The following FOXK1 variants were observed in gnomAD, a reference collection of about 807,000 sequenced individuals.
FOXK1 encodes the protein forkhead box protein K1.
Under a neutral mutation model 51.9 loss-of-function variants are expected in FOXK1, and 19 were observed. The ratio of observed to expected loss-of-function variants is 0.37; its 90% confidence interval spans 0.26 to 0.54. The LOEUF (loss-of-function observed/expected upper bound fraction) is 0.54. Among genes scored for constraint, FOXK1 ranks in the 20% least tolerant of loss-of-function variants. The probability of loss-of-function intolerance (pLI) is 0.87; values close to 1 mark genes in which losing one functional copy is unlikely to be tolerated. For missense variants in FOXK1, 870 were observed against 1,032.7 expected, an observed-to-expected ratio of 0.84 and a Z score of 2.16; for synonymous variants, 537 against 482.6, an observed-to-expected ratio of 1.11 and a Z score of -1.48.
At chr7:4,712,006 C>T (rs1422955264) in intron 1 of FOXK1, among the ~76,000 whole-genome samples, 1 of 150,604 alleles carries the variant, frequency 6.6e-6, no homozygotes, top group African/African-American at 2.4e-5. Flanking sequence ...CCACCAAGTC[C>T]GAAGCTGGAA....
At chr7:4,718,963 C>G (rs1268629752) in intron 1 of FOXK1, among the ~76,000 whole-genome samples, 1 of 152,112 alleles carries the variant, frequency 6.6e-6, no homozygotes, top group African/African-American at 2.4e-5. Context: ...GGACCCGCCA[C>G]CACGCCCGGC....
At position 4,755,193 on chromosome 7, in the gene FOXK1, G is replaced by A. The variant is rs1264746505; in HGVS notation, c.904-44G>A. 6 of 1,604,944 alleles carry A rather than the reference G, an allele frequency of 3.7e-6. No individual in the cohort carries two copies. Among genetic ancestry groups the A allele is most frequent in the Non-Finnish European group, 5.1e-6 (6 of 1,174,122 alleles). ...GTGACGGGTGGGTGGGGTAGACTCA[G>A]GGACCTTGCTGGAGCTCATCCCGTG... On this transcript the variant is annotated intron_variant, in intron 3 of 8. Coordinates refer to ENST00000328914, the MANE Select transcript of FOXK1 (RefSeq NM_001037165.2). The surrounding 1 kb of genome is among the most constrained non-coding windows in gnomAD (Gnocchi z 6.6).
In FOXK1 at chr7:4,723,865, C is replaced by G. The variant is rs1780344717; in HGVS notation, c.561-16973C>G. On this transcript the variant is annotated intron_variant, in intron 1 of 8. Coordinates refer to ENST00000328914, the MANE Select transcript of FOXK1 (RefSeq NM_001037165.2). The surrounding 1 kb of genome is among the most constrained non-coding windows in gnomAD (Gnocchi z 4.7). ...TTGTATTTTTGGTAAAGATGGGGAT[C>G]TCACTATGTTGCCCAGGCCGGTCTC... is the stretch of plus-strand genomic sequence containing the variant. Among the ~76,000 whole-genome samples, 1 of 152,142 alleles carries G rather than the reference C, an allele frequency of 6.6e-6. No individual in the cohort carries two copies. Among genetic ancestry groups the G allele is most frequent in the Admixed American group, 6.6e-5 (1 of 15,264 alleles).
chr7:4,754,934 C>T (rs1195311325), intron 3 of FOXK1: 2 of 565,804 alleles, frequency 3.5e-6, no homozygotes. Flanking sequence ...ATGGCGTTCT[C>T]CTTATAACTT....
At chr7:4,718,922 G>C (rs867036451) in intron 1 of FOXK1, among the ~76,000 whole-genome samples, 15 of 152,096 alleles carry the variant, frequency 9.9e-5, no homozygotes, top group Middle Eastern at 3.2e-3. Flanking sequence ...CGATTCTCCT[G>C]CCCCAGCCTC....
At chr7:4,732,773 C>T (rs1780494802) in intron 1 of FOXK1, among the ~76,000 whole-genome samples, 1 of 152,222 alleles carries the variant, frequency 6.6e-6, no homozygotes, top group African/African-American at 2.4e-5. Flanking sequence ...ACATGGCTTT[C>T]CGTTAGAGAA....
Position 4,732,379 on chromosome 7 carries a change from G to A in FOXK1, c.561-8459G>A, listed in dbSNP as rs145463498. Among the ~76,000 whole-genome samples the A allele has an allele frequency of 1.5e-4, 23 of 152,240 alleles. No individual in the cohort carries two copies. In the East Asian group the frequency reaches 4.5e-3, roughly 29 times the overall value. ...ACCATCATAGCCCACTGCGGCCTCC[G>A]CTGCCCAGGCTCAAGCCATCTTCCC... On this transcript the variant is annotated intron_variant, in intron 1 of 8. Transcript: ENST00000328914.
intron 1 of FOXK1, among the ~76,000 whole-genome samples, chr7:4,700,691 C>T (rs1249628194): frequency 2.0e-5 from 3 of 151,990 alleles, no homozygotes; most frequent in Admixed American, 6.6e-5. Context: ...TATCATGCAC[C>T]TGTGGTACGA....
intron 1 of FOXK1, among the ~76,000 whole-genome samples, chr7:4,713,686 T>C: frequency 6.6e-6 from 1 of 151,874 alleles, no homozygotes; most frequent in East Asian, 1.9e-4. Context: ...GAGACAGGGT[T>C]TCACTGTGTT....
In FOXK1 at chr7:4,760,809, C is replaced by A. The variant is rs547533787; in HGVS notation, c.1697-255C>A. On this transcript the variant is annotated intron_variant, in intron 7 of 8. Transcript: ENST00000328914. The stretch of plus-strand genomic sequence containing the variant: ...GAGGTTGCAGTGAGCCGAGATGGCA[C>A]CCCTGCACTCCAGCCTGGGCGACAG... 9.2e-5 allele frequency among the ~76,000 whole-genome samples: 14 copies of A among 152,312 alleles called. No individual in the cohort carries two copies. In the East Asian group the frequency reaches 2.1e-3, roughly 23 times the overall value.
At chr7:4,744,326 G>A (rs984050090) in intron 2 of FOXK1, among the ~76,000 whole-genome samples, 2 of 152,062 alleles carry the variant, frequency 1.3e-5, no homozygotes, top group Non-Finnish European at 2.9e-5. Flanking sequence ...ATTACTGGTG[G>A]GGATTGCGCT....
chr7:4,726,219 C>G (rs1780379517), intron 1 of FOXK1, among the ~76,000 whole-genome samples: 2 of 152,104 alleles, frequency 1.3e-5, no homozygotes, highest in South Asian at 4.1e-4. Flanking sequence ...CTAGAACGTT[C>G]TTGTTTTTGG....
At position 4,682,793 on chromosome 7, in the gene FOXK1, G is replaced by A; in HGVS notation, c.485G>A (p.Cys162Tyr). Residue 162 changes from cysteine (C) to tyrosine (Y), a missense_variant, in exon 1 of 9, where the codon TGC (cysteine) becomes TAC (tyrosine). Cys to Tyr is a radical substitution (Grantham distance 194, BLOSUM62 -2). Transcript: ENST00000328914. The surrounding 1 kb of genome is among the most constrained non-coding windows in gnomAD (Gnocchi z 7.6). ...CAGGAGCCGCACTTCTACCTGCGCT[G>A]CCTCGGCAAGAACGGCGTCTTCGTG... ...SFQEPHFYLR[C>Y]LGKNGVFVDG... is the part of the protein sequence containing the mutation. 6.3e-7 allele frequency: 1 copy of A among 1,590,836 alleles called. No individual in the cohort carries two copies. Among genetic ancestry groups the A allele is most frequent in the Non-Finnish European group, 8.5e-7 (1 of 1,175,132 alleles).
At chr7:4,713,649 GC>G (rs1319516463) in intron 1 of FOXK1, among the ~76,000 whole-genome samples, 1 of 151,388 alleles carries the variant, frequency 6.6e-6, no homozygotes, top group Non-Finnish European at 1.5e-5. Flanking sequence ...GTGCCACCAC[GC>G]CCAGCTAATT....
At chr7:4,688,578 T>C (rs948216039) in intron 1 of FOXK1, among the ~76,000 whole-genome samples, 12 of 151,952 alleles carry the variant, frequency 7.9e-5, no homozygotes, top group African/African-American at 1.9e-4. Context: ...AGTAGAGATA[T>C]GGTTTCACCA....
chr7:4,754,467 A>C lies in FOXK1; in HGVS notation c.755A>C (p.Asn252Thr), dbSNP rs1583210645. ...TCCTTCTCTCTCCTCAGTGTCCCCA[A>C]CTCCTGCCCAGCCAGTCCACGCGGT... ...PSPTGTISVPNSCPASPRGAG... is the reference protein window; with the variant it reads ...PSPTGTISVPTSCPASPRGAG... The change falls in exon 3 of 9, where the codon AAC becomes ACC. Residue 252 changes from asparagine (N) to threonine (T), a missense_variant. By Grantham distance (65) the Asn-to-Thr change is moderately conservative. Around this residue, in one of 3 missense-constraint regions of FOXK1, gnomAD observed 399 missense variants for 475.6 expected, o/e 0.84. Transcript: ENST00000328914. 1.2e-6 allele frequency: 2 copies of C among 1,612,276 alleles called. No individual in the cohort carries two copies. Among genetic ancestry groups the C allele is most frequent in the Non-Finnish European group, 1.7e-6 (2 of 1,179,820 alleles).
intron 1 of FOXK1, among the ~76,000 whole-genome samples, chr7:4,688,408 T>A (rs1221423515): frequency 2.0e-5 from 3 of 150,674 alleles, no homozygotes; most frequent in African/African-American, 7.5e-5. Flanking sequence ...TTTTTATTTT[T>A]ATTTTTTTTT....
At chr7:4,754,659 T>G (rs761965233) in intron 3 of FOXK1, 44 bp downstream of exon 3, 1 of 1,584,354 alleles carries the variant, frequency 6.3e-7, no homozygotes, top group East Asian at 2.3e-5. Flanking sequence ...TGACCCAGGA[T>G]CGGGCCATAG....
rs1554249289 is a variant in FOXK1, at chr7:4,705,554, T to TCTCGCTCTCGCTCTCG, written c.560+22689_560+22690insGCTCTCGCTCTCGCTC. Among the ~76,000 whole-genome samples, 24 of 131,598 alleles carry TCTCGCTCTCGCTCTCG rather than the reference T, an allele frequency of 1.8e-4. 1 individual carries two copies. The highest frequency in any genetic ancestry group is 5.0e-4 in the African/African-American group (16 of 31,784). The allele number at this position is 131,598 out of a possible 152,430, so 86.3% of individuals were successfully genotyped here. ...CTCTCTCTCTCTCTCTCTCTCTCTC[T>TCTCGCTCTCGCTCTCG]CTCTCGCTCTCGCTCTCTCGTCGCC... On this transcript the variant is annotated intron_variant, in intron 1 of 8. Coordinates refer to ENST00000328914, the MANE Select transcript of FOXK1 (RefSeq NM_001037165.2).
Sources: gnomAD v4.1 joint callset for allele counts (sites outside exome capture counted in the v4.1 genomes callset) on GRCh38, gnomAD v4.1.1 for gene constraint, gnomAD v4.1.1 regional missense constraint, Gnocchi (gnomAD v3.1) non-coding constraint, MANE v1.5 for transcripts, NCBI Gene and HGNC (gene_info 2026-07-23, HGNC 2026-07-21) for gene names.